The following WDR25 variants were observed in gnomAD, a reference collection of about 807,000 sequenced individuals.
The protein encoded by WDR25 is WD repeat domain 25, also known as WD repeat-containing protein 25.
In WDR25, 35 loss-of-function variants were observed where a neutral mutation model predicts 47.7. The observed-to-expected ratio is 0.73, with a 90% CI of 0.56 to 0.97. The LOEUF (loss-of-function observed/expected upper bound fraction) is 0.97, where lower values mean the gene tolerates loss of function less well. Among genes scored for constraint, WDR25 ranks in the 50% least tolerant of loss-of-function variants. The pLI is 0.00. For synonymous variants in WDR25, 248 were observed against 278.9 expected (o/e 0.89, Z 1.10); for missense variants, 634 against 704.7 (o/e 0.90, Z 1.14).
In WDR25 at chr14:100,460,586, C is replaced by T. The variant is rs1899378079; in HGVS notation, c.823-7435C>T. On this transcript the variant is annotated intron_variant, in intron 2 of 6. Coordinates refer to ENST00000402312, the MANE Select transcript of WDR25 (RefSeq NM_001161476.3). ...TTAATGACTAATTATGAAAGAAAAA[C>T]CATATGAACATTTCAATAGATGCTG... is the stretch of plus-strand genomic sequence containing the variant. Among the ~76,000 whole-genome samples, 2 of 151,834 alleles carry T rather than the reference C, an allele frequency of 1.3e-5. 1 individual carries two copies. The highest frequency in any genetic ancestry group is 2.9e-5 in the Non-Finnish European group (2 of 67,964).
At chr14:100,501,442 A>G (rs540645601) in intron 4 of WDR25, among the ~76,000 whole-genome samples, 1 of 152,308 alleles carries the variant, frequency 6.6e-6, no homozygotes, top group South Asian at 2.1e-4. Flanking sequence ...CCCCCCAGCC[A>G]GACAGCATAC....
intron 3 of WDR25, among the ~76,000 whole-genome samples, chr14:100,482,869 G>A (rs542273028): frequency 2.0e-5 from 3 of 152,274 alleles, no homozygotes; most frequent in African/African-American, 7.2e-5. Context: ...GTCCCATGGG[G>A]GAGTTTCTAC....
chr14:100,405,566 T>G (rs1897511832), intron 2 of WDR25, among the ~76,000 whole-genome samples: 1 of 152,204 alleles, frequency 6.6e-6, no homozygotes, highest in Admixed American at 6.5e-5. Context: ...CTGTTATATG[T>G]CTTCACTATA....
At chr14:100,485,663 G>T (rs1900359430) in intron 4 of WDR25, among the ~76,000 whole-genome samples, 1 of 152,204 alleles carries the variant, frequency 6.6e-6, no homozygotes, top group Non-Finnish European at 1.5e-5. Context: ...TCCTAGACAG[G>T]TGCAGCGTCC....
chr14:100,491,193 T>TG (rs1900552189), intron 4 of WDR25, among the ~76,000 whole-genome samples: 1 of 152,234 alleles, frequency 6.6e-6, no homozygotes, highest in African/African-American at 2.4e-5. Flanking sequence ...GGAGGTGGAC[T>TG]GGGTGCTGCC....
chr14:100,401,499 C>G (rs1475276623), intron 2 of WDR25, among the ~76,000 whole-genome samples: 1 of 152,196 alleles, frequency 6.6e-6, no homozygotes, highest in Non-Finnish European at 1.5e-5. Flanking sequence ...GAGGCAAGTC[C>G]TTGCCGTTCA....
At chr14:100,478,127 A>AAAC in intron 3 of WDR25, among the ~76,000 whole-genome samples, 1 of 127,806 alleles carries the variant, frequency 7.8e-6, no homozygotes, top group African/African-American at 3.0e-5. Context: ...AACAAACAAA[A>AAAC]AAACCTGTAT....
chr14:100,494,926 G>T (rs940059140), intron 4 of WDR25, among the ~76,000 whole-genome samples: 1 of 151,792 alleles, frequency 6.6e-6, no homozygotes, highest in Non-Finnish European at 1.5e-5. Flanking sequence ...GATTGCTTGA[G>T]GCCAGGAGTT....
intron 2 of WDR25, chr14:100,454,576 G>C (rs1899141477): frequency 1.8e-6 from 1 of 562,990 alleles, no homozygotes; most frequent in Non-Finnish European, 3.1e-6. Flanking sequence ...AGCAGGCAGA[G>C]ACTGGACAGA....
chr14:100,521,608 C>T (rs1392072817), intron 4 of WDR25, among the ~76,000 whole-genome samples: 2 of 152,100 alleles, frequency 1.3e-5, no homozygotes, highest in South Asian at 2.1e-4. Flanking sequence ...TTTACAACTG[C>T]GTAGTGGTCC....
intron 2 of WDR25, among the ~76,000 whole-genome samples, chr14:100,396,256 G>A (rs961120242): frequency 1.2e-4 from 19 of 152,268 alleles, no homozygotes; most frequent in Admixed American, 7.2e-4. Flanking sequence ...GATTACAGGC[G>A]TGAACCACTG....
intron 2 of WDR25, among the ~76,000 whole-genome samples, chr14:100,457,852 T>C (rs908506312): frequency 6.6e-6 from 1 of 152,214 alleles, no homozygotes; most frequent in Non-Finnish European, 1.5e-5. Flanking sequence ...GTGATAATAT[T>C]ACTTGCAAGT....
At chr14:100,501,293 G>T (rs947053489) in intron 4 of WDR25, among the ~76,000 whole-genome samples, 3 of 152,200 alleles carry the variant, frequency 2.0e-5, no homozygotes, top group African/African-American at 7.2e-5. Flanking sequence ...GGCACTTAGA[G>T]TGTTCAATAA....
chr14:100,396,461 C>T lies in WDR25; in HGVS notation c.822+14715C>T, dbSNP rs567905549. Among the ~76,000 whole-genome samples the T allele has an allele frequency of 6.6e-5, 10 of 152,326 alleles. 1 individual carries two copies. Among genetic ancestry groups the T allele is most frequent in the African/African-American group, 2.4e-4 (10 of 41,560 alleles). ...AAGCCACCCCAAAAGGAGAAGGAAGCCTGTCAATCAAGCGCAGAGCTGACT... is the reference window on the plus strand; with the variant it reads ...AAGCCACCCCAAAAGGAGAAGGAAGTCTGTCAATCAAGCGCAGAGCTGACT... On this transcript the variant is annotated intron_variant, in intron 2 of 6. Transcript: ENST00000402312.
intron 4 of WDR25, among the ~76,000 whole-genome samples, chr14:100,484,409 T>C (rs1396191455): frequency 6.6e-6 from 1 of 152,130 alleles, no homozygotes; most frequent in African/African-American, 2.4e-5. Context: ...ATGAATCTGC[T>C]GGGTTACTCA....
At chr14:100,454,327 G>A (rs1269248023) in intron 2 of WDR25, 6 of 1,258,728 alleles carry the variant, frequency 4.8e-6, no homozygotes, top group Non-Finnish European at 4.1e-6. Context: ...AGAAGATTTT[G>A]ACTGAGGTAA....
At chr14:100,441,431 G>A (rs1171421697) in intron 2 of WDR25, among the ~76,000 whole-genome samples, 1 of 152,088 alleles carries the variant, frequency 6.6e-6, no homozygotes, top group African/African-American at 2.4e-5. Context: ...CTTACAGGAA[G>A]GGAGTCTCCT....
rs2140218555 is a variant in WDR25, at chr14:100,424,339, G to A, written c.822+42593G>A. Among the ~76,000 whole-genome samples, 1 of 152,322 alleles carries A rather than the reference G, an allele frequency of 6.6e-6. No homozygotes were observed. Among genetic ancestry groups the A allele is most frequent in the Middle Eastern group, 3.4e-3 (1 of 294 alleles). ...CTGTTTCCATGACAGACTGTTCACA[G>A]CCTCACAGTTTGCATCCCGTGTAAA... On this transcript the variant is annotated intron_variant, in intron 2 of 6. Transcript: ENST00000402312. This position sits in a 1 kb window ranked among gnomAD's most constrained non-coding sequence, Gnocchi z 4.2.
rs544555611 is a variant in WDR25 at position 100,525,926 on chromosome 14, G to A, written c.1158G>A (p.Arg386=). The A allele has an allele frequency of 3.2e-5, 52 of 1,613,964 alleles. 1 individual carries two copies. The South Asian group carries it at 5.6e-4, about 17-fold the overall frequency. Residue 386 remains arginine (R), a synonymous_variant, in exon 5 of 7, where the codon CGG becomes CGA. Transcript: ENST00000402312. The surrounding 1 kb of genome is among the most constrained non-coding windows in gnomAD (Gnocchi z 4.6). The stretch of plus-strand genomic sequence containing the variant: ...AGACCTTGGACATCCTGTTCCTCCG[G>A]GAAGGCTCCGAGTTCCTGAGCAGCA... The part of the protein sequence containing the change: ...IQQTLDILFL[R]EGSEFLSSTD...
Sources: gnomAD v4.1 joint callset for allele counts (sites outside exome capture counted in the v4.1 genomes callset) on GRCh38, gnomAD v4.1.1 for gene constraint, Gnocchi (gnomAD v3.1) non-coding constraint, MANE v1.5 for transcripts, NCBI Gene and HGNC (gene_info 2026-07-23, HGNC 2026-07-21) for gene names.